Variants in NXPH2 observed in about 807,000 individuals in gnomAD.
NXPH2 encodes neurexophilin-2.
In NXPH2, 5 loss-of-function variants were observed where a neutral mutation model predicts 19.8. The ratio of observed to expected loss-of-function variants is 0.25; its 90% CI spans 0.13 to 0.53. The LOEUF (loss-of-function observed/expected upper bound fraction) is 0.53. Among genes scored for constraint, NXPH2 ranks in the 20% least tolerant of loss-of-function variants. NXPH2 has a pLI of 0.96. For synonymous variants in NXPH2, 154 were observed against 127.4 expected (o/e 1.21, Z -1.41); for missense variants, 289 against 322.8 (o/e 0.90, Z 0.80).
At chr2:138,775,551 A>T (rs1403244409) in intron 1 of NXPH2, among the ~76,000 whole-genome samples, 1 of 152,176 alleles carries the variant, frequency 6.6e-6, no homozygotes. Flanking sequence ...AAAAATACTT[A>T]TGACGAAATA....
intron 1 of NXPH2, among the ~76,000 whole-genome samples, chr2:138,705,736 C>T (rs148887245): frequency 2.0e-5 from 3 of 152,196 alleles, no homozygotes; most frequent in Admixed American, 6.5e-5. Flanking sequence ...CTGCCTAGAA[C>T]TTTATTCAGT....
chr2:138,695,729 A>G (rs528875761), intron 1 of NXPH2, among the ~76,000 whole-genome samples: 59 of 152,350 alleles, frequency 3.9e-4, no homozygotes, highest in African/African-American at 1.3e-3. Context: ...GAGATTTTAC[A>G]TATTATCAAG....
intron 1 of NXPH2, among the ~76,000 whole-genome samples, chr2:138,755,272 T>C (rs1681890038): frequency 6.6e-6 from 1 of 152,140 alleles, no homozygotes; most frequent in South Asian, 2.1e-4. Flanking sequence ...GATTTTCTCC[T>C]GTGGTTTTTT....
Position 138,671,059 on chromosome 2 carries a change from C to A in NXPH2, c.658G>T (p.Val220Leu). The stretch of plus-strand genomic sequence containing the variant: ...AAGGGCTTGGAGCACAACCAAGACA[C>A]ATGGCTCTGAGTCTGCTCCTGGTAG... ...ICYQEQTQSHVSWLCSKPFKV... is the reference protein window; with the variant it reads ...ICYQEQTQSHLSWLCSKPFKV... Residue 220 changes from valine (V) to leucine (L), a missense_variant, in exon 2 of 2, where the codon GTG becomes TTG. Physicochemically the swap from Val to Leu is conservative, Grantham distance 32 (BLOSUM62 1). Coordinates refer to ENST00000272641, the MANE Select transcript of NXPH2 (RefSeq NM_007226.3). 2 of 1,613,994 alleles carry A rather than the reference C, an allele frequency of 1.2e-6. No individual in the cohort carries two copies. Among genetic ancestry groups the A allele is most frequent in the Non-Finnish European group, 1.7e-6 (2 of 1,179,878 alleles).
chr2:138,713,085 T>C (rs530563239), intron 1 of NXPH2, among the ~76,000 whole-genome samples: 1 of 152,328 alleles, frequency 6.6e-6, no homozygotes, highest in South Asian at 2.1e-4. Flanking sequence ...TAATTGACTA[T>C]AGAGAAACAG....
intron 1 of NXPH2, among the ~76,000 whole-genome samples, chr2:138,714,543 C>A (rs940579331): frequency 6.6e-6 from 1 of 152,102 alleles, no homozygotes; most frequent in Non-Finnish European, 1.5e-5. Flanking sequence ...CTGGACTCCT[C>A]TATCTAACAC....
rs1412710717 is a variant in NXPH2, at chr2:138,721,238, A to T, written c.52-49573T>A. Reference sequence around the variant, plus strand: ...CACCTGTAATCCTAGCTACTTAGGAAGCTGAGGCAGGAGAATCGCTTGAAC... The same window carrying T: ...CACCTGTAATCCTAGCTACTTAGGATGCTGAGGCAGGAGAATCGCTTGAAC... On this transcript the variant is annotated intron_variant, in intron 1 of 1. Coordinates refer to ENST00000272641, the MANE Select transcript of NXPH2 (RefSeq NM_007226.3). Among the ~76,000 whole-genome samples the T allele has an allele frequency of 4.6e-5, 7 of 152,036 alleles. No individual in the cohort carries two copies. In the South Asian group the frequency reaches 1.5e-3, roughly 32 times the overall value.
intron 1 of NXPH2, among the ~76,000 whole-genome samples, chr2:138,772,152 G>C (rs1341373182): frequency 2.6e-5 from 4 of 152,066 alleles, no homozygotes; most frequent in African/African-American, 7.2e-5. Context: ...ATCTGGAGTG[G>C]TATAGGTGAG....
chr2:138,778,867 A>C (rs1418729314), intron 1 of NXPH2, among the ~76,000 whole-genome samples: 1 of 152,244 alleles, frequency 6.6e-6, no homozygotes, highest in African/African-American at 2.4e-5. Context: ...ATATTTGGGC[A>C]TATCATTGCA....
chr2:138,737,893 G>T (rs939505929), intron 1 of NXPH2, among the ~76,000 whole-genome samples: 2 of 151,648 alleles, frequency 1.3e-5, no homozygotes. Context: ...TCATTGCCTT[G>T]TTAAACAGAA....
At chr2:138,683,021 TAACAAATTATGAACGGGCTGGA>T (rs929183145) in intron 1 of NXPH2, among the ~76,000 whole-genome samples, 2 of 152,222 alleles carry the variant, frequency 1.3e-5, no homozygotes, top group Non-Finnish European at 2.9e-5. Flanking sequence ...CAGAGCTCTT[TAACAAATTATGAACGGGCTGGA>T]AACAAATGTT....
chr2:138,675,087 C>A (rs1404698802), intron 1 of NXPH2, among the ~76,000 whole-genome samples: 1 of 152,122 alleles, frequency 6.6e-6, no homozygotes, highest in Non-Finnish European at 1.5e-5. Flanking sequence ...TTGATTCTTA[C>A]CTTTATATAT....
At chr2:138,745,967 A>T (rs1169127197) in intron 1 of NXPH2, among the ~76,000 whole-genome samples, 22 of 152,210 alleles carry the variant, frequency 1.4e-4, no homozygotes, top group Non-Finnish European at 1.3e-4. Context: ...GTCCACCAAG[A>T]GATGGTCAAA....
chr2:138,767,212 ACGT>A (rs1682105116), intron 1 of NXPH2, among the ~76,000 whole-genome samples: 1 of 152,262 alleles, frequency 6.6e-6, no homozygotes, highest in Non-Finnish European at 1.5e-5. Context: ...AGCTGATATA[ACGT>A]CAGTGGAACC....
intron 1 of NXPH2, among the ~76,000 whole-genome samples, chr2:138,730,919 C>T (rs1276282444): frequency 3.9e-5 from 6 of 152,272 alleles, no homozygotes; most frequent in East Asian, 3.9e-4. Flanking sequence ...CGGGTCTTCA[C>T]AGAGGCTCTT....
rs189737884 is a variant in NXPH2 at position 138,688,594 on chromosome 2, A to G, written c.52-16929T>C. 4.7e-3 allele frequency among the ~76,000 whole-genome samples: 720 copies of G among 152,334 alleles called. 2 individuals carry two copies. Among genetic ancestry groups the G allele is most frequent in the Non-Finnish European group, 7.5e-3 (509 of 68,034 alleles). On this transcript the variant is annotated intron_variant, in intron 1 of 1. Coordinates refer to ENST00000272641, the MANE Select transcript of NXPH2 (RefSeq NM_007226.3). Reference sequence around the variant, plus strand: ...AAGTACACTTTTGTAGAATTCCATTATATACAAAAGATACCAGTACCATTT... The same window carrying G: ...AAGTACACTTTTGTAGAATTCCATTGTATACAAAAGATACCAGTACCATTT...
intron 1 of NXPH2, among the ~76,000 whole-genome samples, chr2:138,710,825 C>T (rs1431800142): frequency 6.6e-6 from 1 of 152,138 alleles, no homozygotes; most frequent in East Asian, 1.9e-4. Flanking sequence ...GCCCAACACA[C>T]CTCTGACTCC....
intron 1 of NXPH2, among the ~76,000 whole-genome samples, chr2:138,680,861 CTAA>C (rs1680570388): frequency 2.0e-5 from 3 of 152,130 alleles, no homozygotes; most frequent in African/African-American, 7.2e-5. Flanking sequence ...TTTATAATTA[CTAA>C]TGAGAGTGTG....
chr2:138,737,410 T>C (rs1412527898), intron 1 of NXPH2, among the ~76,000 whole-genome samples: 1 of 152,152 alleles, frequency 6.6e-6, no homozygotes, highest in Non-Finnish European at 1.5e-5. Flanking sequence ...TTGTGAGACT[T>C]ATTCACTATC....
Sources: allele counts gnomAD v4.1 joint callset (sites outside exome capture counted in the v4.1 genomes callset), GRCh38; gene constraint gnomAD v4.1.1; transcripts MANE v1.5; gene names NCBI Gene and HGNC (gene_info 2026-07-23, HGNC 2026-07-21).